Variants in ETNK1 observed in about 807,000 individuals in gnomAD.
ETNK1 encodes the protein ethanolamine kinase 1, also known as putative protein product of Nbla10396.
A neutral mutation model predicts 45.1 loss-of-function variants in ETNK1; 8 were observed. That is an observed-to-expected ratio of 0.18 (90% CI 0.10 to 0.32). The LOEUF is 0.32. ETNK1 is among the 10% of genes least tolerant of loss of function. The pLI, the probability that ETNK1 is intolerant of heterozygous loss-of-function variation, is 1.00. For synonymous variants in ETNK1, 152 were observed against 151.9 expected, an observed-to-expected ratio of 1.00 and a Z score of -0.01; for missense variants, 302 against 430.6, an observed-to-expected ratio of 0.70 and a Z score of 2.64.
chr12:22,671,210 C>T, intron 4 of ETNK1, 62 bp from the exon 5 acceptor site: 2 of 1,127,000 alleles, frequency 1.8e-6, no homozygotes, highest in East Asian at 2.4e-5. Context: ...TTACAAATAG[C>T]ATAGGGATTT....
Position 22,684,039 on chromosome 12 carries a change from C to T in ETNK1, c.946-444C>T, listed in dbSNP as rs370937838. Among the ~76,000 whole-genome samples, 3 of 152,196 alleles carry T rather than the reference C, an allele frequency of 2.0e-5. 1 individual carries two copies. Among genetic ancestry groups the T allele is most frequent in the African/African-American group, 7.2e-5 (3 of 41,548 alleles). ...AGATCATTTTCAGATGTTTGTCACC[C>T]CTAGAACATTTTTCACATTTAAATA... On this transcript the variant is annotated intron_variant, in intron 6 of 7. Transcript: ENST00000266517.
intron 2 of ETNK1, among the ~76,000 whole-genome samples, chr12:22,658,155 A>G (rs1035534306): frequency 1.3e-5 from 2 of 152,148 alleles, no homozygotes; most frequent in African/African-American, 2.4e-5. Context: ...GATCTGGTAG[A>G]GTCAAGGTTC....
intron 2 of ETNK1, among the ~76,000 whole-genome samples, chr12:22,655,212 T>C (rs12317631): frequency 0.047 from 7,112 of 152,138 alleles, 536 homozygotes; most frequent in African/African-American, 0.16. Context: ...AGGTGATTCA[T>C]CCACCTTGGC....
intron 1 of ETNK1, among the ~76,000 whole-genome samples, chr12:22,642,679 A>G (rs1349640535): frequency 6.6e-6 from 1 of 152,006 alleles, no homozygotes; most frequent in Non-Finnish European, 1.5e-5. Flanking sequence ...TTTCTTAAGC[A>G]TTAGTTAAAT....
intron 6 of ETNK1, among the ~76,000 whole-genome samples, chr12:22,678,469 A>G (rs1349853558): frequency 6.6e-6 from 1 of 152,224 alleles, no homozygotes; most frequent in African/African-American, 2.4e-5. Flanking sequence ...TATGGTGAAA[A>G]TAAGGAAATG....
rs1187918133 is a variant in ETNK1, at chr12:22,664,264, A to G, written c.700+3059A>G. Among the ~76,000 whole-genome samples, 3 of 152,172 alleles carry G rather than the reference A, an allele frequency of 2.0e-5. No homozygotes were observed. The East Asian group carries it at 5.8e-4, about 29-fold the overall frequency. On this transcript the variant is annotated intron_variant, in intron 4 of 7. Transcript: ENST00000266517. ...AATATGCAAATAATATAATATGCAT[A>G]TAATATAACTAGTAGGTATGTTTGC...
At chr12:22,669,974 T>A (rs1335702323) in intron 4 of ETNK1, among the ~76,000 whole-genome samples, 5 of 152,058 alleles carry the variant, frequency 3.3e-5, no homozygotes, top group African/African-American at 7.2e-5. Context: ...TGTGACTTAT[T>A]TAAATAAGTT....
At chr12:22,673,802 T>A in intron 6 of ETNK1, 142 bp downstream of exon 6, 1 of 825,076 alleles carries the variant, frequency 1.2e-6, no homozygotes, top group Non-Finnish European at 1.9e-6. Context: ...CCATTTACAG[T>A]ATGCATTACC....
rs1345124372 is a variant in ETNK1, at chr12:22,659,132, G to A, written c.535G>A (p.Ala179Thr). 3 of 1,613,310 alleles carry A rather than the reference G, an allele frequency of 1.9e-6. No homozygotes were observed. The highest frequency in any genetic ancestry group is 1.3e-5 in the African/African-American group (1 of 75,012). The change falls in exon 3 of 8, where the codon GCA becomes ACA. Residue 179 changes from alanine (A) to threonine (T), a missense_variant. By Grantham distance (58) the Ala-to-Thr change is moderately conservative. This residue lies in a region of ETNK1 where 205 missense variants were observed against 259.9 expected (regional missense o/e 0.79). Transcript: ENST00000266517. Reference protein sequence around the residue: ...KYFSLIPTGFADEDINKRFLS... With the variant: ...KYFSLIPTGFTDEDINKRFLS... Reference sequence around the variant, plus strand: ...TTTCTCTCTCATTCCCACAGGATTTGCAGATGAAGACATTAATAAAAGGTA... The same window carrying A: ...TTTCTCTCTCATTCCCACAGGATTTACAGATGAAGACATTAATAAAAGGTA...
intron 6 of ETNK1, among the ~76,000 whole-genome samples, chr12:22,683,686 A>G (rs1954234059): frequency 6.6e-6 from 1 of 152,158 alleles, no homozygotes; most frequent in Non-Finnish European, 1.5e-5. Context: ...ATTTTTAAAT[A>G]CCAAGGTCAT....
Position 22,625,523 on chromosome 12 carries a change from G to C in ETNK1, c.93G>C (p.Glu31Asp), listed in dbSNP as rs756953756. ...VQDQEEHRCR[E>D]GALSLLQHLR... ...ATCAGGAGGAGCATCGCTGCCGGGA[G>C]GGGGCCCTGAGCCTCCTGCAACACC... The change falls in exon 1 of 8, where the codon GAG becomes GAC. Residue 31 changes from glutamate (E) to aspartate (D), a missense_variant. By Grantham distance (45) the Glu-to-Asp change is conservative. This residue lies in a region of ETNK1 where 205 missense variants were observed against 259.9 expected (regional missense o/e 0.79). Transcript: ENST00000266517. 6 of 1,606,276 alleles carry C rather than the reference G, an allele frequency of 3.7e-6. No homozygotes were observed. In the African/African-American group the frequency reaches 8.0e-5, roughly 21 times the overall value.
At chr12:22,672,860 A>G (rs572810015) in intron 5 of ETNK1, among the ~76,000 whole-genome samples, 19 of 152,316 alleles carry the variant, frequency 1.2e-4, no homozygotes, top group Admixed American at 1.2e-3. Context: ...AGTATTTTCC[A>G]AACTATAGAT....
intron 4 of ETNK1, 177 bp from the exon 5 acceptor site, chr12:22,671,095 T>G (rs1954102777): frequency 1.8e-6 from 1 of 550,714 alleles, no homozygotes; most frequent in Non-Finnish European, 3.2e-6. Context: ...ATTTGAATTT[T>G]GTAAAGCTCA....
chr12:22,662,186 G>A (rs1413834958), intron 4 of ETNK1, among the ~76,000 whole-genome samples: 1 of 147,068 alleles, frequency 6.8e-6, no homozygotes, highest in Non-Finnish European at 1.5e-5. Flanking sequence ...TCCTGCCTCA[G>A]CCTCCTGAAT....
chr12:22,673,733 T>G (rs988535580), intron 6 of ETNK1, 73 bp downstream of exon 6: 2 of 1,392,888 alleles, frequency 1.4e-6, no homozygotes, highest in African/African-American at 2.9e-5. Context: ...TTCGTCATCT[T>G]AGACAATTTC....
chr12:22,652,392 A>G (rs1953889069), intron 2 of ETNK1, among the ~76,000 whole-genome samples: 1 of 152,212 alleles, frequency 6.6e-6, no homozygotes, highest in Non-Finnish European at 1.5e-5. Context: ...TTGCTAGATC[A>G]TAATGGTAAT....
At chr12:22,653,322 A>G (rs1953901073) in intron 2 of ETNK1, among the ~76,000 whole-genome samples, 1 of 152,080 alleles carries the variant, frequency 6.6e-6, no homozygotes, top group South Asian at 2.1e-4. Flanking sequence ...TTCTTTTTCA[A>G]TGTTATTTTA....
intron 6 of ETNK1, among the ~76,000 whole-genome samples, chr12:22,679,818 A>G (rs566902459): frequency 6.6e-6 from 1 of 151,066 alleles, no homozygotes; most frequent in Admixed American, 6.6e-5. Flanking sequence ...CTCTGGCCTC[A>G]GTAGCTAGGA....
chr12:22,679,605 G>A (rs774967691), intron 6 of ETNK1, among the ~76,000 whole-genome samples: 2 of 151,986 alleles, frequency 1.3e-5, no homozygotes, highest in African/African-American at 2.4e-5. Flanking sequence ...CATAGGGTCC[G>A]ATAAGACTTC....
Sources: allele counts gnomAD v4.1 joint callset (sites outside exome capture counted in the v4.1 genomes callset), GRCh38; gene constraint gnomAD v4.1.1; regional missense constraint gnomAD v4.1.1; transcripts MANE v1.5; gene names NCBI Gene and HGNC (gene_info 2026-07-23, HGNC 2026-07-21).